UBE4B: variants seen among roughly 807,000 people sequenced by gnomAD.
The protein encoded by UBE4B is ubiquitination factor E4B.
UBE4B carries 27 observed loss-of-function variants against 148.1 expected under a neutral mutation model. The ratio of observed to expected loss-of-function variants is 0.18; its 90% CI spans 0.13 to 0.25. UBE4B has a LOEUF of 0.25. Among genes scored for constraint, UBE4B ranks in the 10% least tolerant of loss-of-function variants. UBE4B has a pLI of 1.00. For synonymous variants in UBE4B, 596 were observed against 619.3 expected, an observed-to-expected ratio of 0.96 and a Z score of 0.56; for missense variants, 1,170 against 1,662.4, an observed-to-expected ratio of 0.70 and a Z score of 5.15.
chr1:10,033,513 T>G lies in UBE4B; in HGVS notation c.-158T>G. 5.0e-6 allele frequency: 4 copies of G among 794,452 alleles called. No individual in the cohort carries two copies. The highest frequency in any genetic ancestry group is 7.2e-6 in the Non-Finnish European group (4 of 552,300). 49.2% of individuals were successfully genotyped at this position (794,452 alleles called of 1,614,324 possible). The stretch of plus-strand genomic sequence containing the variant: ...AGCCAAGGCAGTTTAGTGCCTCTCG[T>G]GTTCTTATTTTTTAACCTCTGACTA... On this transcript the variant is annotated 5_prime_UTR_variant, in exon 1 of 28. Transcript: ENST00000343090.
chr1:10,034,382 T>C (rs993830424), intron 1 of UBE4B, among the ~76,000 whole-genome samples: 1 of 152,138 alleles, frequency 6.6e-6, no homozygotes, highest in Admixed American at 6.6e-5. Flanking sequence ...TGGAAGCAAA[T>C]GACTTTCTAA....
At chr1:10,131,519 G>A (rs1645593142) in intron 14 of UBE4B, among the ~76,000 whole-genome samples, 1 of 151,886 alleles carries the variant, frequency 6.6e-6, no homozygotes, top group African/African-American at 2.4e-5. Flanking sequence ...TTACAGGCTT[G>A]GGTAACTAAG....
At chr1:10,037,140 G>A (rs963569979) in intron 1 of UBE4B, among the ~76,000 whole-genome samples, 4 of 151,950 alleles carry the variant, frequency 2.6e-5, no homozygotes, top group Non-Finnish European at 4.4e-5. Context: ...CGATTTTCCT[G>A]CGTCAGCCTC....
chr1:10,111,509 C>T (rs191891827), intron 7 of UBE4B, among the ~76,000 whole-genome samples: 2 of 152,316 alleles, frequency 1.3e-5, no homozygotes, highest in East Asian at 1.9e-4. Context: ...CACACACGCA[C>T]CCATGCACGC....
chr1:10,157,575 C>G (rs1335196305), intron 21 of UBE4B, among the ~76,000 whole-genome samples: 2 of 151,994 alleles, frequency 1.3e-5, no homozygotes, highest in Non-Finnish European at 2.9e-5. Context: ...GCCAAGAGAT[C>G]GAGACAATCC....
At chr1:10,094,411 T>C (rs558107000) in intron 2 of UBE4B, among the ~76,000 whole-genome samples, 1 of 152,004 alleles carries the variant, frequency 6.6e-6, no homozygotes, top group Admixed American at 6.6e-5. Context: ...ACCCGTATAC[T>C]CACCATCTAG....
At chr1:10,060,506 G>A (rs1032562503) in intron 1 of UBE4B, among the ~76,000 whole-genome samples, 2 of 152,146 alleles carry the variant, frequency 1.3e-5, no homozygotes, top group Non-Finnish European at 2.9e-5. Context: ...GCCCATGACT[G>A]TATTTCCTCT....
rs145251464 is a variant in UBE4B, at chr1:10,174,697, C to T, written c.3525+3368C>T. On this transcript the variant is annotated intron_variant, in intron 25 of 27. Coordinates refer to ENST00000343090, the MANE Select transcript of UBE4B (RefSeq NM_001105562.3). ...AGCTTGGGCAACAAGAGCGAAACTC[C>T]GTCTCAAAAAAAAAAAAAAAAAAAA... Among the ~76,000 whole-genome samples, 599 of 132,542 alleles carry T rather than the reference C, an allele frequency of 4.5e-3. 6 individuals are homozygous for T. Among genetic ancestry groups the T allele is most frequent in the African/African-American group, 0.018 (556 of 30,406 alleles). 87.0% of individuals were successfully genotyped at this position (132,542 alleles called of 152,430 possible).
At chr1:10,048,144 C>T (rs1179623212) in intron 1 of UBE4B, among the ~76,000 whole-genome samples, 3 of 152,152 alleles carry the variant, frequency 2.0e-5, no homozygotes, top group Non-Finnish European at 2.9e-5. Flanking sequence ...CCACTGCATC[C>T]GTCCTGAATG....
chr1:10,131,247 G>A (rs1462706621), intron 14 of UBE4B, among the ~76,000 whole-genome samples: 1 of 150,966 alleles, frequency 6.6e-6, no homozygotes, highest in African/African-American at 2.4e-5. Context: ...GAGGCCGAGT[G>A]GGGTGGATCA....
chr1:10,104,807 G>T (rs935062302), intron 5 of UBE4B, among the ~76,000 whole-genome samples: 1 of 151,516 alleles, frequency 6.6e-6, no homozygotes, highest in Non-Finnish European at 1.5e-5. Context: ...TAAAACAAGT[G>T]TCTTACACAT....
chr1:10,033,082 C>T lies in UBE4B; in HGVS notation c.-589C>T. 6.6e-6 allele frequency: 1 copy of T among 152,660 alleles called. No homozygotes were observed. Among genetic ancestry groups the T allele is most frequent in the Non-Finnish European group, 1.5e-5 (1 of 68,310 alleles). 9.5% of individuals were successfully genotyped at this position (152,660 alleles called of 1,614,324 possible). A position where few individuals can be genotyped will look rare whatever the true frequency, so the allele number is the denominator to read the frequency against. On this transcript the variant is annotated 5_prime_UTR_variant, in exon 1 of 28. Coordinates refer to ENST00000343090, the MANE Select transcript of UBE4B (RefSeq NM_001105562.3). ...GCGAGAGCTACGCGCATCCCATCCT[C>T]CCCCTCCCCCCTACCCGGGCTCCGG...
chr1:10,160,872 G>A (rs1457294402), intron 22 of UBE4B, among the ~76,000 whole-genome samples: 2 of 152,158 alleles, frequency 1.3e-5, no homozygotes, highest in Non-Finnish European at 2.9e-5. Context: ...GAGCCCTGGA[G>A]GTCGAGGATG....
intron 1 of UBE4B, among the ~76,000 whole-genome samples, chr1:10,061,543 A>C (rs1469142893): frequency 6.6e-6 from 1 of 152,138 alleles, no homozygotes; most frequent in Non-Finnish European, 1.5e-5. Flanking sequence ...GAGCCACCGC[A>C]CTTGGCCCTG....
intron 3 of UBE4B, among the ~76,000 whole-genome samples, chr1:10,099,036 C>G (rs939052604): frequency 2.0e-5 from 3 of 151,988 alleles, no homozygotes; most frequent in African/African-American, 7.3e-5. Flanking sequence ...GTCAGGAGTT[C>G]GAGACAAGCC....
intron 3 of UBE4B, among the ~76,000 whole-genome samples, chr1:10,097,496 G>A (rs1360583349): frequency 6.6e-6 from 1 of 151,990 alleles, no homozygotes; most frequent in African/African-American, 2.4e-5. Context: ...AATCAGGCCA[G>A]GAGCATTTGA....
At chr1:10,069,640 T>G (rs975374259) in intron 1 of UBE4B, among the ~76,000 whole-genome samples, 1 of 152,200 alleles carries the variant, frequency 6.6e-6, no homozygotes, top group Non-Finnish European at 1.5e-5. Context: ...GTTCAAGCGA[T>G]TCTCCTGCCT....
intron 7 of UBE4B, among the ~76,000 whole-genome samples, chr1:10,113,338 C>G (rs1371911471): frequency 6.6e-6 from 1 of 152,192 alleles, no homozygotes; most frequent in Non-Finnish European, 1.5e-5. Context: ...GATCCAGTCA[C>G]CTCCCACTAG....
At chr1:10,092,444 C>G (rs572462127) in intron 2 of UBE4B, among the ~76,000 whole-genome samples, 1 of 151,822 alleles carries the variant, frequency 6.6e-6, no homozygotes, top group Non-Finnish European at 1.5e-5. Flanking sequence ...AGGCTGGTCT[C>G]GAACTCCTGA....
Sources: gnomAD v4.1 joint callset for allele counts (sites outside exome capture counted in the v4.1 genomes callset) on GRCh38, gnomAD v4.1.1 for gene constraint, MANE v1.5 for transcripts, NCBI Gene and HGNC (gene_info 2026-07-23, HGNC 2026-07-21) for gene names.